Variants in NR6A1 observed in about 807,000 individuals in gnomAD.
NR6A1 encodes the protein nuclear receptor subfamily 6 group A member 1.
In NR6A1, 7 loss-of-function variants were observed where a neutral mutation model predicts 59.1. The observed-to-expected ratio is 0.12, with a 90% CI of 0.07 to 0.22. The LOEUF (loss-of-function observed/expected upper bound fraction) is 0.22. NR6A1 is among the 10% of genes least tolerant of loss of function. NR6A1 has a pLI of 1.00. For synonymous variants in NR6A1, 243 were observed against 236.1 expected, an observed-to-expected ratio of 1.03 and a Z score of -0.27; for missense variants, 468 against 611.6, an observed-to-expected ratio of 0.77 and a Z score of 2.48.
chr9:124,680,090 ATGTGTGTGTGTG>A (rs57251719), intron 2 of NR6A1, among the ~76,000 whole-genome samples: 1 of 143,164 alleles, frequency 7.0e-6, no homozygotes, highest in Non-Finnish European at 1.5e-5. Flanking sequence ...GTGTGTATGT[ATGTGTGTGTGTG>A]TGTGTGTGTG....
chr9:124,747,462 T>C (rs1476577782), intron 1 of NR6A1, among the ~76,000 whole-genome samples: 1 of 152,102 alleles, frequency 6.6e-6, no homozygotes, highest in Non-Finnish European at 1.5e-5. Context: ...ACATACACTT[T>C]CACTTACACT....
rs1834362233 is a variant in NR6A1 at position 124,569,044 on chromosome 9, C to A, written c.143-14474G>T. ...AGGAGAATGGCATGAACCCGGGAGG[C>A]GGAGCTTGCAGTGAGCCAAGATCAC... is the stretch of plus-strand genomic sequence containing the variant. On this transcript the variant is annotated intron_variant, in intron 2 of 9. Transcript: ENST00000487099. Among the ~76,000 whole-genome samples, 4 of 151,828 alleles carry A rather than the reference C, an allele frequency of 2.6e-5. No homozygotes were observed. The South Asian group carries it at 8.3e-4, about 31-fold the overall frequency.
intron 2 of NR6A1, chr9:124,599,419 CAA>C (rs530668330): frequency 0.027 from 7,638 of 283,130 alleles, no homozygotes; most frequent in South Asian, 0.042. Context: ...TACATGGTCT[CAA>C]AAAAAAAAAA....
intron 1 of NR6A1, among the ~76,000 whole-genome samples, chr9:124,746,778 T>C (rs1457038383): frequency 6.6e-6 from 1 of 152,196 alleles, no homozygotes; most frequent in African/African-American, 2.4e-5. Flanking sequence ...TCCTATATTC[T>C]AAAATCAAAT....
At chr9:124,612,429 T>C (rs2130844858) in intron 2 of NR6A1, among the ~76,000 whole-genome samples, 1 of 152,312 alleles carries the variant, frequency 6.6e-6, no homozygotes, top group Non-Finnish European at 1.5e-5. Flanking sequence ...GAAAATGCTT[T>C]CCTGGGACTT....
intron 4 of NR6A1, among the ~76,000 whole-genome samples, chr9:124,542,742 C>T (rs1833487976): frequency 1.3e-5 from 2 of 152,158 alleles, no homozygotes; most frequent in African/African-American, 2.4e-5. Context: ...TTGGTAGAGA[C>T]AGGGTCTGTC....
chr9:124,638,166 G>T (rs1332839172), intron 2 of NR6A1, among the ~76,000 whole-genome samples: 1 of 151,544 alleles, frequency 6.6e-6, no homozygotes, highest in Non-Finnish European at 1.5e-5. Context: ...TAAAGCAGAA[G>T]GATTGCTTGA....
chr9:124,631,278 G>A (rs921147307), intron 2 of NR6A1, among the ~76,000 whole-genome samples: 5 of 152,042 alleles, frequency 3.3e-5, no homozygotes, highest in Admixed American at 2.0e-4. Context: ...GCATTTTAGC[G>A]TTTGTTTCTC....
At chr9:124,588,524 G>T (rs1835001311) in intron 2 of NR6A1, among the ~76,000 whole-genome samples, 1 of 150,954 alleles carries the variant, frequency 6.6e-6, no homozygotes, top group Non-Finnish European at 1.5e-5. Flanking sequence ...TAGCCAGGAT[G>T]GTGTCGATCT....
In NR6A1 at chr9:124,569,940, G is replaced by A. The variant is rs1834388660; in HGVS notation, c.143-15370C>T. On this transcript the variant is annotated intron_variant, in intron 2 of 9. Transcript: ENST00000487099. ...AATTTACAAGACTGATGGACTATTT[G>A]GGAGTTATTCTTACTGATCACTAGT... Among the ~76,000 whole-genome samples, 3 of 152,122 alleles carry A rather than the reference G, an allele frequency of 2.0e-5. No homozygotes were observed. In the South Asian group the frequency reaches 6.2e-4, roughly 32 times the overall value.
chr9:124,531,506 C>T (rs1318279932), intron 7 of NR6A1, among the ~76,000 whole-genome samples: 1 of 152,182 alleles, frequency 6.6e-6, no homozygotes, highest in Non-Finnish European at 1.5e-5. Flanking sequence ...GGGAGCAAGG[C>T]AGTAGCAGGC....
chr9:124,531,644 C>A (rs1214941658), intron 7 of NR6A1, among the ~76,000 whole-genome samples: 1 of 152,136 alleles, frequency 6.6e-6, no homozygotes, highest in Non-Finnish European at 1.5e-5. Context: ...CTAGGCAGTC[C>A]TACATGCACC....
intron 2 of NR6A1, among the ~76,000 whole-genome samples, chr9:124,596,752 T>C (rs1835283509): frequency 6.6e-6 from 1 of 152,210 alleles, no homozygotes; most frequent in African/African-American, 2.4e-5. Context: ...TACACACTCA[T>C]ACCTTACCAC....
At chr9:124,633,310 G>C (rs1836500018) in intron 2 of NR6A1, among the ~76,000 whole-genome samples, 1 of 150,220 alleles carries the variant, frequency 6.7e-6, no homozygotes, top group Admixed American at 6.7e-5. Flanking sequence ...GGCTGAGGCA[G>C]GAGAATGGCG....
intron 2 of NR6A1, among the ~76,000 whole-genome samples, chr9:124,572,259 G>A (rs1564184901): frequency 6.6e-6 from 1 of 152,192 alleles, no homozygotes; most frequent in Non-Finnish European, 1.5e-5. Context: ...CAAAATTAAT[G>A]CAAGAAAAAG....
At chr9:124,654,070 C>T (rs1837178861) in intron 2 of NR6A1, among the ~76,000 whole-genome samples, 2 of 152,176 alleles carry the variant, frequency 1.3e-5, no homozygotes, top group South Asian at 4.1e-4. Context: ...TGAACAAACC[C>T]TCTCTGTTGT....
chr9:124,770,914 G>A (rs1841133973), intron 1 of NR6A1, 106 bp downstream of exon 1: 6 of 627,306 alleles, frequency 9.6e-6, no homozygotes, highest in Non-Finnish European at 1.1e-5. Flanking sequence ...CCGCGGGGCC[G>A]CTGCGGCTTC....
chr9:124,673,322 C>A (rs964114450), intron 2 of NR6A1, among the ~76,000 whole-genome samples: 3 of 152,082 alleles, frequency 2.0e-5, no homozygotes, highest in African/African-American at 7.2e-5. Flanking sequence ...AAAAAGTTAA[C>A]CACAACTACT....
chr9:124,671,817 CTTT>C (rs1387438312), intron 2 of NR6A1, among the ~76,000 whole-genome samples: 1 of 152,154 alleles, frequency 6.6e-6, no homozygotes, highest in African/African-American at 2.4e-5. Context: ...TTAAAAGAAA[CTTT>C]TTTATTCAAG....
Sources: gnomAD v4.1 joint callset for allele counts (sites outside exome capture counted in the v4.1 genomes callset) on GRCh38, gnomAD v4.1.1 for gene constraint, MANE v1.5 for transcripts, NCBI Gene and HGNC (gene_info 2026-07-23, HGNC 2026-07-21) for gene names.